The following MME variants were observed in gnomAD, a reference collection of about 807,000 sequenced individuals.
MME encodes membrane metalloendopeptidase.
A neutral mutation model predicts 113.2 loss-of-function variants in MME; 98 were observed. The ratio of observed to expected loss-of-function variants is 0.87; its 90% confidence interval spans 0.74 to 1.02. The LOEUF is 1.02. MME is among the 50% of genes least tolerant of loss of function. The pLI, the probability that MME is intolerant of heterozygous loss-of-function variation, is 0.00. For synonymous variants in MME, 292 were observed against 300.6 expected, an observed-to-expected ratio of 0.97 and a Z score of 0.30; for missense variants, 836 against 896.0, an observed-to-expected ratio of 0.93 and a Z score of 0.86.
intron 3 of MME, among the ~76,000 whole-genome samples, chr3:155,086,180 A>G (rs1421392513): frequency 6.6e-6 from 1 of 152,126 alleles, no homozygotes; most frequent in African/African-American, 2.4e-5. Context: ...GAAGAGTACT[A>G]TTGAGATAAT....
intron 3 of MME, among the ~76,000 whole-genome samples, chr3:155,101,093 C>T (rs1717166276): frequency 6.6e-6 from 1 of 152,128 alleles, no homozygotes; most frequent in African/African-American, 2.4e-5. Flanking sequence ...CCCACCCACT[C>T]TCTTCCTCCC....
At chr3:155,098,855 A>T (rs1044775523) in intron 3 of MME, among the ~76,000 whole-genome samples, 1 of 152,054 alleles carries the variant, frequency 6.6e-6, no homozygotes, top group Non-Finnish European at 1.5e-5. Flanking sequence ...GGTTGTCCAC[A>T]GGGTCTCTGA....
chr3:155,143,129 T>C (rs1189661514), intron 12 of MME, among the ~76,000 whole-genome samples: 1 of 152,198 alleles, frequency 6.6e-6, no homozygotes, highest in African/African-American at 2.4e-5. Context: ...ATTTATTGAA[T>C]ATGACTTCAC....
At chr3:155,160,744 T>A (rs921264126) in intron 17 of MME, among the ~76,000 whole-genome samples, 1 of 152,124 alleles carries the variant, frequency 6.6e-6, no homozygotes, top group Non-Finnish European at 1.5e-5. Flanking sequence ...AGTACCTTTT[T>A]TAAAGTCCCT....
chr3:155,060,250 C>G (rs999021939), intron 1 of MME, among the ~76,000 whole-genome samples: 10 of 152,128 alleles, frequency 6.6e-5, no homozygotes, highest in African/African-American at 2.2e-4. Flanking sequence ...TTGCTGAAAG[C>G]TGAAACCCCA....
chr3:155,165,944 T>C (rs556315761), intron 17 of MME, among the ~76,000 whole-genome samples: 64 of 152,300 alleles, frequency 4.2e-4, no homozygotes, highest in Non-Finnish European at 7.8e-4. Context: ...ATAACACATT[T>C]GTGAGACATC....
chr3:155,172,748 G>A (rs1237653584), intron 22 of MME, 136 bp downstream of exon 22: 2 of 694,084 alleles, frequency 2.9e-6, no homozygotes, highest in Non-Finnish European at 5.2e-6. Context: ...GAGAGTCAAA[G>A]GTAGGATCGA....
chr3:155,172,727 T>TC (rs1712123738), intron 22 of MME, 115 bp downstream of exon 22: 8 of 804,202 alleles, frequency 9.9e-6, no homozygotes, highest in Admixed American at 4.0e-5. Context: ...TCAGTGCTTT[T>TC]TTTTTTTTTT....
At position 155,162,601 on chromosome 3, in the gene MME, A is replaced by AG. The variant is rs559076601; in HGVS notation, c.1660+2154dup. Among the ~76,000 whole-genome samples the AG allele has an allele frequency of 5.3e-4, 80 of 152,316 alleles. 1 individual carries two copies. Among genetic ancestry groups the AG allele is most frequent in the African/African-American group, 1.7e-3 (69 of 41,586 alleles). On this transcript the variant is annotated intron_variant, in intron 17 of 22. Transcript: ENST00000360490. ...GCTTGCCTGGTTCTTGAACAGCAGA[A>AG]GAAGGGAAATCCTTGAAATGTACAC...
intron 10 of MME, among the ~76,000 whole-genome samples, chr3:155,141,030 A>G (rs778468710): frequency 6.6e-6 from 1 of 152,208 alleles, no homozygotes; most frequent in African/African-American, 2.4e-5. Flanking sequence ...CTAGTATCCA[A>G]TAATCTCTTT....
intron 22 of MME, among the ~76,000 whole-genome samples, chr3:155,178,448 C>A (rs1712776135): frequency 6.6e-6 from 1 of 152,108 alleles, no homozygotes; most frequent in Non-Finnish European, 1.5e-5. Context: ...TAATATCAAA[C>A]AAACAACAGA....
chr3:155,080,925 G>A (rs992662032), intron 1 of MME: 2 of 152,160 alleles, frequency 1.3e-5, no homozygotes, highest in Admixed American at 1.3e-4. Context: ...TTAAAAAATT[G>A]TCTGGTAATT....
chr3:155,139,466 C>G (rs2108306129), intron 9 of MME, among the ~76,000 whole-genome samples: 1 of 152,272 alleles, frequency 6.6e-6, no homozygotes, highest in Non-Finnish European at 1.5e-5. Flanking sequence ...GAAACTGGAG[C>G]CATTGTCACT....
At chr3:155,096,178 C>T (rs188913800) in intron 3 of MME, among the ~76,000 whole-genome samples, 1 of 152,254 alleles carries the variant, frequency 6.6e-6, no homozygotes, top group East Asian at 1.9e-4. Flanking sequence ...AAATGGGTTG[C>T]ATTATCTCCC....
chr3:155,053,152 C>T (rs974010287), intron 1 of MME, among the ~76,000 whole-genome samples: 1 of 152,162 alleles, frequency 6.6e-6, no homozygotes, highest in Admixed American at 6.5e-5. Context: ...CCCACATTTT[C>T]CTGTCTTCTT....
At chr3:155,063,601 T>G (rs1714260348) in intron 1 of MME, among the ~76,000 whole-genome samples, 1 of 99,304 alleles carries the variant, frequency 1.0e-5, no homozygotes, top group African/African-American at 3.3e-5. Flanking sequence ...AAATATATTA[T>G]ATTTGATTAT....
At chr3:155,066,169 C>G (rs1296494825) in intron 1 of MME, among the ~76,000 whole-genome samples, 1 of 152,014 alleles carries the variant, frequency 6.6e-6, no homozygotes, top group African/African-American at 2.4e-5. Flanking sequence ...CATTTAATGA[C>G]AGAAAATTAG....
intron 1 of MME, chr3:155,024,360 T>G (rs547676776): frequency 9.2e-5 from 14 of 152,342 alleles, no homozygotes; most frequent in African/African-American, 3.1e-4. Flanking sequence ...AATTTATTAC[T>G]AACTGCTTAA....
intron 1 of MME, among the ~76,000 whole-genome samples, chr3:155,048,324 G>A (rs943286164): frequency 7.9e-5 from 12 of 152,100 alleles, no homozygotes; most frequent in African/African-American, 2.9e-4. Flanking sequence ...ACAAATAAAT[G>A]GGAAACTCAC....
Sources: gnomAD v4.1 joint callset for allele counts (sites outside exome capture counted in the v4.1 genomes callset) on GRCh38, gnomAD v4.1.1 for gene constraint, MANE v1.5 for transcripts, NCBI Gene and HGNC (gene_info 2026-07-23, HGNC 2026-07-21) for gene names.